Variants in MEIOB observed in about 807,000 individuals in gnomAD.
MEIOB encodes meiosis specific with OB-fold.
MEIOB carries 50 observed loss-of-function variants against 53.1 expected under a neutral mutation model. The ratio of observed to expected loss-of-function variants is 0.94; its 90% CI spans 0.75 to 1.19. The LOEUF is 1.19. Among genes scored for constraint, MEIOB ranks in the 50% most tolerant of loss-of-function variants. The pLI, the probability that MEIOB is intolerant of heterozygous loss-of-function variation, is 0.00. For missense variants in MEIOB, 551 were observed against 550.8 expected (o/e 1.00, Z 0.00); for synonymous variants, 192 against 182.5 (o/e 1.05, Z -0.42).
chr16:1,870,186 A>C (rs909784681), intron 1 of MEIOB, among the ~76,000 whole-genome samples: 2 of 152,142 alleles, frequency 1.3e-5, no homozygotes, highest in African/African-American at 4.8e-5. Context: ...AAAATTATTG[A>C]TTTTAAACAC....
In MEIOB at chr16:1,856,034, G is replaced by A. The variant is rs142287847; in HGVS notation, c.528+1701C>T. Among the ~76,000 whole-genome samples, 526 of 150,132 alleles carry A rather than the reference G, an allele frequency of 3.5e-3. 4 individuals carry two copies. The highest frequency in any genetic ancestry group is 0.017 in the Middle Eastern group (5 of 290). On this transcript the variant is annotated intron_variant, in intron 6 of 13. Transcript: ENST00000325962. ...TATCAACCCAGAATCTCGCTCTGTC[G>A]CCCAGGCTGGAGTGCAGTGGCGCCA...
At chr16:1,835,894 C>G (rs995716718) in intron 13 of MEIOB, among the ~76,000 whole-genome samples, 3 of 150,052 alleles carry the variant, frequency 2.0e-5, no homozygotes, top group Non-Finnish European at 3.0e-5. Context: ...CAGTCTCACT[C>G]TGTCACCCAG....
At chr16:1,863,246 G>A (rs1232708557) in intron 3 of MEIOB, among the ~76,000 whole-genome samples, 18 of 152,124 alleles carry the variant, frequency 1.2e-4, no homozygotes, top group Non-Finnish European at 1.5e-5. Context: ...CTGGAGTTCA[G>A]TGACGCGATC....
chr16:1,869,080 G>A (rs1237576257), intron 1 of MEIOB, among the ~76,000 whole-genome samples: 1 of 151,940 alleles, frequency 6.6e-6, no homozygotes, highest in African/African-American at 2.4e-5. Flanking sequence ...TAGTTTTTGA[G>A]CACCATGTAA....
chr16:1,869,227 C>T (rs1257734405), intron 1 of MEIOB, among the ~76,000 whole-genome samples: 1 of 152,128 alleles, frequency 6.6e-6, no homozygotes, highest in Admixed American at 6.6e-5. Flanking sequence ...CAGGCTCAAG[C>T]GATTCTTCTG....
At chr16:1,855,995 TTTA>T (rs1386218039) in intron 6 of MEIOB, among the ~76,000 whole-genome samples, 1 of 151,790 alleles carries the variant, frequency 6.6e-6, no homozygotes, top group East Asian at 1.9e-4. Context: ...CTCTTGCCTC[TTTA>T]TTTATTTATT....
chr16:1,851,410 C>A (rs1048424457), intron 9 of MEIOB, among the ~76,000 whole-genome samples: 1 of 152,200 alleles, frequency 6.6e-6, no homozygotes, highest in African/African-American at 2.4e-5. Context: ...TCCACCTGTT[C>A]TCCTTAAATA....
At chr16:1,864,600 T>C (rs573330652) in intron 3 of MEIOB, among the ~76,000 whole-genome samples, 89 of 151,656 alleles carry the variant, frequency 5.9e-4, no homozygotes, top group African/African-American at 2.0e-3. Context: ...GCGATTCTCC[T>C]GCCTCAGCCT....
intron 9 of MEIOB, among the ~76,000 whole-genome samples, chr16:1,847,776 G>A (rs193211119): frequency 3.3e-5 from 5 of 152,164 alleles, no homozygotes; most frequent in South Asian, 2.1e-4. Flanking sequence ...TCCTGTCCCC[G>A]TTTTAGGGTT....
At chr16:1,857,994 G>A in intron 5 of MEIOB, 64 bp from the exon 6 acceptor site, 1 of 1,061,908 alleles carries the variant, frequency 9.4e-7, no homozygotes, top group African/African-American at 1.6e-5. Flanking sequence ...ATATTTCCAG[G>A]TCCACATTTA....
intron 11 of MEIOB, among the ~76,000 whole-genome samples, chr16:1,840,782 C>A (rs1256745563): frequency 1.3e-5 from 2 of 152,070 alleles, no homozygotes; most frequent in African/African-American, 2.4e-5. Flanking sequence ...AATCTCCTGA[C>A]CTCGTGATCC....
intron 9 of MEIOB, among the ~76,000 whole-genome samples, 197 bp from the exon 10 acceptor site, chr16:1,845,160 C>T (rs1050845538): frequency 5.3e-5 from 8 of 152,166 alleles, no homozygotes; most frequent in African/African-American, 1.9e-4. Context: ...ACATCTAAAA[C>T]AGATGTTAGT....
At position 1,862,048 on chromosome 16, in the gene MEIOB, C is replaced by T; in HGVS notation, c.196G>A (p.Ala66Thr). 1 of 1,551,376 alleles carries T rather than the reference C, an allele frequency of 6.4e-7. No homozygotes were observed. The highest frequency in any genetic ancestry group is 8.7e-7 in the Non-Finnish European group (1 of 1,146,736). ...ATGTAATCTTCATTGCCCCAGGAAG[C>T]TGCATTTACAAAATGTGCTGGTGAA... ...RDSPAHFVNA[A>T]SWGNEDYIKS... Residue 66 changes from alanine to threonine, a missense_variant, in exon 4 of 14, where the codon GCT becomes ACT. Ala to Thr is a moderately conservative substitution (Grantham distance 58). Coordinates refer to ENST00000325962, the MANE Select transcript of MEIOB (RefSeq NM_001163560.3).
At position 1,871,324 on chromosome 16, in the gene MEIOB, A is replaced by G. The variant is rs567818375; in HGVS notation, c.-10+669T>C. Among the ~76,000 whole-genome samples the G allele has an allele frequency of 4.4e-5, 6 of 135,080 alleles. No individual in the cohort carries two copies. In the South Asian group the frequency reaches 1.5e-3, roughly 35 times the overall value. The allele number at this position is 135,080 out of a possible 152,430, so 88.6% of individuals were successfully genotyped here. A position where few individuals can be genotyped will look rare whatever the true frequency, so the allele number is the denominator to read the frequency against. The stretch of plus-strand genomic sequence containing the variant: ...AAGCTCCGCCTCCCGGGTTCACGCC[A>G]TTCTCCTGCCTCAGCCTCCCGAGTA... On this transcript the variant is annotated intron_variant, in intron 1 of 13. Transcript: ENST00000325962.
chr16:1,860,942 A>G (rs1273973900), intron 4 of MEIOB, among the ~76,000 whole-genome samples: 2 of 152,112 alleles, frequency 1.3e-5, no homozygotes, highest in African/African-American at 4.8e-5. Context: ...CTCTTTTTCT[A>G]TCGTGAAGAA....
chr16:1,849,387 T>C lies in MEIOB; in HGVS notation c.778+3652A>G, dbSNP rs552515824. ...GTGAAACCCCGTCTCTACTAAAAAA[T>C]ACAAAAAAATTAGCTGGGTGTGGTG... On this transcript the variant is annotated intron_variant, in intron 9 of 13. Transcript: ENST00000325962. Among the ~76,000 whole-genome samples the C allele has an allele frequency of 4.0e-5, 6 of 151,698 alleles. No individual in the cohort carries two copies. In the South Asian group the frequency reaches 6.2e-4, roughly 16 times the overall value.
chr16:1,859,949 G>C (rs1474195436), intron 5 of MEIOB, among the ~76,000 whole-genome samples: 1 of 152,158 alleles, frequency 6.6e-6, no homozygotes, highest in African/African-American at 2.4e-5. Flanking sequence ...CCACTTCTCT[G>C]CTCAGCTGCT....
rs576547501 is a variant in MEIOB at position 1,866,230 on chromosome 16, C to T, written c.70-395G>A. 2.0e-5 allele frequency among the ~76,000 whole-genome samples: 3 copies of T among 152,298 alleles called. No individual in the cohort carries two copies. The South Asian group carries it at 6.2e-4, about 32-fold the overall frequency. On this transcript the variant is annotated intron_variant, in intron 2 of 13. Coordinates refer to ENST00000325962, the MANE Select transcript of MEIOB (RefSeq NM_001163560.3). ...TTATATAGGGTTTTCTAACAATCCA[C>T]ATAAAATCACTTAGCTTCTTAATCC...
At chr16:1,834,494 A>T in intron 13 of MEIOB, 128 bp from the exon 14 acceptor site, 1 of 563,942 alleles carries the variant, frequency 1.8e-6, no homozygotes, top group Non-Finnish European at 3.1e-6. Flanking sequence ...ACTAATATAA[A>T]CTTCCATTAG....
Sources: allele counts gnomAD v4.1 joint callset (sites outside exome capture counted in the v4.1 genomes callset), GRCh38; gene constraint gnomAD v4.1.1; transcripts MANE v1.5; gene names NCBI Gene and HGNC (gene_info 2026-07-23, HGNC 2026-07-21).